Variants in OGDH observed in about 807,000 individuals in gnomAD.
OGDH encodes the protein oxoglutarate dehydrogenase, also known as 2-oxoglutarate dehydrogenase complex component E1.
A neutral mutation model predicts 116.6 loss-of-function variants in OGDH; 38 were observed. That is an observed-to-expected ratio of 0.33 (90% CI 0.25 to 0.43). The LOEUF is 0.43. Among genes scored for constraint, OGDH ranks in the 20% least tolerant of loss-of-function variants. The pLI is 1.00. For missense variants in OGDH, 825 were observed against 1,357.2 expected (o/e 0.61, Z 6.16); for synonymous variants, 488 against 533.3 (o/e 0.92, Z 1.17).
chr7:44,685,556 A>G (rs139030256), intron 10 of OGDH, among the ~76,000 whole-genome samples: 3 of 152,238 alleles, frequency 2.0e-5, no homozygotes, highest in African/African-American at 7.2e-5. Context: ...TTTTCCTGTT[A>G]TGAATAATGC....
In OGDH at chr7:44,696,994, TTTG is replaced by T; in HGVS notation, c.1982_1984del (p.Phe661_Gly662delinsCys). 1 of 1,614,090 alleles carries T rather than the reference TTTG, an allele frequency of 6.2e-7. No individual in the cohort carries two copies. The highest frequency in any genetic ancestry group is 1.3e-5 in the African/African-American group (1 of 75,016). On this transcript the variant is annotated inframe_deletion, in exon 15 of 23. Coordinates refer to ENST00000222673, the MANE Select transcript of OGDH (RefSeq NM_002541.4). The stretch of plus-strand genomic sequence containing the variant: ...CTGGGCTCTAGCGGAGTACATGGCG[TTTG>T]GCTCGCTCCTGAAGGAGGGCATCCA...
At chr7:44,706,317 T>A (rs1044649739) in intron 20 of OGDH, among the ~76,000 whole-genome samples, 5 of 144,712 alleles carry the variant, frequency 3.5e-5, no homozygotes, top group African/African-American at 1.1e-4. Flanking sequence ...GGATTTTTTT[T>A]ATATAATTTT....
At chr7:44,609,177 C>G (rs1017210391) in intron 1 of OGDH, among the ~76,000 whole-genome samples, 6 of 151,962 alleles carry the variant, frequency 3.9e-5, no homozygotes, top group African/African-American at 1.5e-4. Context: ...GCTTAATTCC[C>G]TGGAGAATCA....
intron 1 of OGDH, among the ~76,000 whole-genome samples, chr7:44,616,781 A>T (rs995318164): frequency 7.0e-6 from 1 of 142,970 alleles, no homozygotes; most frequent in Non-Finnish European, 1.5e-5. Flanking sequence ...ATATGTGTAT[A>T]TGCATATATA....
rs144115567 is a variant in OGDH at position 44,636,934 on chromosome 7, G to T, written c.223-8393G>T. Among the ~76,000 whole-genome samples, 1,127 of 152,272 alleles carry T rather than the reference G, an allele frequency of 7.4e-3. 4 individuals are homozygous for T. The highest frequency in any genetic ancestry group is 0.012 in the Non-Finnish European group (823 of 68,024). On this transcript the variant is annotated intron_variant, in intron 2 of 22. Transcript: ENST00000222673. ...GGGAAGTTGGCTGTGAGTGGGGTGG[G>T]GGGGCACACAAGCTCCCTGCCTGCG...
At chr7:44,607,332 C>T (rs904296420) in intron 1 of OGDH, among the ~76,000 whole-genome samples, 8 of 152,194 alleles carry the variant, frequency 5.3e-5, no homozygotes, top group African/African-American at 9.6e-5. Context: ...ATATATCAGA[C>T]ATTGGATATG....
chr7:44,667,902 C>G (rs925573396), intron 5 of OGDH, among the ~76,000 whole-genome samples: 1 of 152,112 alleles, frequency 6.6e-6, no homozygotes, highest in Non-Finnish European at 1.5e-5. Flanking sequence ...TGAATCCTGA[C>G]GTCCCTAACT....
intron 5 of OGDH, among the ~76,000 whole-genome samples, chr7:44,671,532 G>C (rs561341605): frequency 3.0e-4 from 45 of 152,168 alleles, no homozygotes; most frequent in Middle Eastern, 3.4e-3. Context: ...GTGAGGCCGA[G>C]GCGGGCGGAT....
chr7:44,619,657 G>GT (rs1163724733), intron 1 of OGDH, among the ~76,000 whole-genome samples: 6 of 151,666 alleles, frequency 4.0e-5, no homozygotes, highest in African/African-American at 1.4e-4. Context: ...CATTTGAGTT[G>GT]TTTCTACTGT....
chr7:44,658,996 C>A (rs1228612713), intron 4 of OGDH, among the ~76,000 whole-genome samples: 3 of 152,036 alleles, frequency 2.0e-5, no homozygotes. Context: ...ACCACCACGC[C>A]CAGCTAATTT....
chr7:44,697,083 T>C lies in OGDH; in HGVS notation c.2051+19T>C, dbSNP rs1788613479. 6.2e-7 allele frequency: 1 copy of C among 1,604,464 alleles called. No homozygotes were observed. Among genetic ancestry groups the C allele is most frequent in the African/African-American group, 1.3e-5 (1 of 74,850 alleles). ...CATTCAGGTAACGTTCTGGGCAGTT[T>C]TGTTTGCCCTCCAAAGAGTAGAAGA... On this transcript the variant is annotated intron_variant, in intron 15 of 22. Coordinates refer to ENST00000222673, the MANE Select transcript of OGDH (RefSeq NM_002541.4). The surrounding 1 kb of genome is among the most constrained non-coding windows in gnomAD (Gnocchi z 6.0).
intron 20 of OGDH, 101 bp downstream of exon 20, chr7:44,701,716 C>A: frequency 8.4e-7 from 1 of 1,192,492 alleles, no homozygotes; most frequent in Non-Finnish European, 1.2e-6. Context: ...TTGTGATTCT[C>A]ACTGGCTCTT....
chr7:44,616,144 T>G (rs899953096), intron 1 of OGDH, among the ~76,000 whole-genome samples: 8 of 152,226 alleles, frequency 5.3e-5, no homozygotes, highest in Non-Finnish European at 1.2e-4. Flanking sequence ...TAACGCCTCA[T>G]GTTTTTAGCT....
At chr7:44,607,774 C>T (rs1784409928) in intron 1 of OGDH, among the ~76,000 whole-genome samples, 1 of 152,162 alleles carries the variant, frequency 6.6e-6, no homozygotes, top group African/African-American at 2.4e-5. Flanking sequence ...GATCTCGGCT[C>T]ACTGCAACCT....
At chr7:44,703,133 T>G (rs1276410836) in intron 20 of OGDH, among the ~76,000 whole-genome samples, 1 of 151,998 alleles carries the variant, frequency 6.6e-6, no homozygotes, top group Non-Finnish European at 1.5e-5. Flanking sequence ...TAAGACTGAA[T>G]AGCCAGGCAT....
At chr7:44,634,311 A>G (rs1384261254) in intron 2 of OGDH, among the ~76,000 whole-genome samples, 1 of 152,240 alleles carries the variant, frequency 6.6e-6, no homozygotes, top group Non-Finnish European at 1.5e-5. Flanking sequence ...CCTTGGTTAG[A>G]GCAAGTCACA....
chr7:44,697,118 A>G lies in OGDH; in HGVS notation c.2051+54A>G. Reference sequence around the variant, plus strand: ...TCCAAAGAGTAGAAGATGGAAAGGGAGGGGTTCTGGTGTTTCTTTTCCGGA... The same window carrying G: ...TCCAAAGAGTAGAAGATGGAAAGGGGGGGGTTCTGGTGTTTCTTTTCCGGA... On this transcript the variant is annotated intron_variant, in intron 15 of 22. Transcript: ENST00000222673. The surrounding 1 kb of genome is among the most constrained non-coding windows in gnomAD (Gnocchi z 6.0). 6.3e-7 allele frequency: 1 copy of G among 1,587,428 alleles called. No individual in the cohort carries two copies. The highest frequency in any genetic ancestry group is 1.1e-5 in the South Asian group (1 of 89,246).
intron 4 of OGDH, among the ~76,000 whole-genome samples, chr7:44,661,934 G>T (rs1203866318): frequency 6.6e-6 from 1 of 152,070 alleles, no homozygotes; most frequent in Non-Finnish European, 1.5e-5. Context: ...AGCATTTTTA[G>T]TAGTTGTTTT....
chr7:44,676,222 A>G (rs766114419), intron 9 of OGDH, 73 bp downstream of exon 9: 2 of 1,613,216 alleles, frequency 1.2e-6, no homozygotes, highest in Non-Finnish European at 1.7e-6. Flanking sequence ...CCGCTCACCA[A>G]CATAACCCAG....
Sources: gnomAD v4.1 joint callset for allele counts (sites outside exome capture counted in the v4.1 genomes callset) on GRCh38, gnomAD v4.1.1 for gene constraint, Gnocchi (gnomAD v3.1) non-coding constraint, MANE v1.5 for transcripts, NCBI Gene and HGNC (gene_info 2026-07-23, HGNC 2026-07-21) for gene names.